ARMC10: variants seen among roughly 807,000 people sequenced by gnomAD.
ARMC10 encodes armadillo repeat-containing protein 10.
In ARMC10, 23 loss-of-function variants were observed where a neutral mutation model predicts 30.2. The ratio of observed to expected loss-of-function variants is 0.76; its 90% CI spans 0.55 to 1.08. ARMC10 has a LOEUF of 1.08. ARMC10 is among the 50% of genes least tolerant of loss of function. The pLI is 0.00. For synonymous variants in ARMC10, 111 were observed against 164.4 expected, an observed-to-expected ratio of 0.68 and a Z score of 2.48; for missense variants, 303 against 413.7, an observed-to-expected ratio of 0.73 and a Z score of 2.32.
At chr7:103,082,339 G>T (rs1800453534) in intron 2 of ARMC10, among the ~76,000 whole-genome samples, 1 of 150,862 alleles carries the variant, frequency 6.6e-6, no homozygotes, top group South Asian at 2.1e-4. Context: ...TTGTGTGTGT[G>T]TGTGTGATTC....
chr7:103,098,229 G>T, intron 6 of ARMC10, 70 bp from the exon 7 acceptor site: 2 of 1,207,510 alleles, frequency 1.7e-6, no homozygotes, highest in Non-Finnish European at 2.1e-6. Flanking sequence ...GTTTTAAAAT[G>T]TTAAAATATA....
At chr7:103,077,205 A>T (rs1287609852) in intron 2 of ARMC10, among the ~76,000 whole-genome samples, 1 of 152,138 alleles carries the variant, frequency 6.6e-6, no homozygotes, top group African/African-American at 2.4e-5. Context: ...AAGGATTTTT[A>T]ATTACAAGTT....
At chr7:103,093,176 C>T (rs879499275) in intron 5 of ARMC10, among the ~76,000 whole-genome samples, 14 of 152,244 alleles carry the variant, frequency 9.2e-5, no homozygotes, top group Non-Finnish European at 1.8e-4. Context: ...TTAAGTAAAT[C>T]TCTCATATTA....
chr7:103,077,896 T>C (rs115007222), intron 2 of ARMC10, among the ~76,000 whole-genome samples: 1,673 of 152,314 alleles, frequency 0.011, 34 homozygotes, highest in African/African-American at 0.039. Flanking sequence ...TTGCTCACAG[T>C]CCCTTCTTCC....
intron 5 of ARMC10, 120 bp from the exon 6 acceptor site, chr7:103,097,157 G>T: frequency 1.3e-6 from 1 of 796,762 alleles, no homozygotes; most frequent in South Asian, 1.5e-5. Flanking sequence ...GAGAGAATTT[G>T]AGCCAGGCCT....
In ARMC10 at chr7:103,092,531, G is replaced by A. The variant is rs1801437864; in HGVS notation, c.583G>A (p.Val195Met). 1.2e-6 allele frequency: 2 copies of A among 1,609,584 alleles called. No homozygotes were observed. The highest frequency in any genetic ancestry group is 1.7e-5 in the Admixed American group (1 of 59,940). Residue 195 changes from valine (V) to methionine (M), a missense_variant, in exon 5 of 7, where the codon GTG becomes ATG. By Grantham distance (21) the Val-to-Met change is conservative. Transcript: ENST00000323716. ...CTTCTCTGGTCCTCTGAACTCTGCT[G>A]TGCAGCTGGCTGGACTGACATTGTT... The part of the protein sequence containing the change: ...DVFSGPLNSA[V>M]QLAGLTLLTN...
intron 6 of ARMC10, 97 bp from the exon 7 acceptor site, chr7:103,098,202 G>A (rs767892446): frequency 4.1e-4 from 470 of 1,148,226 alleles, no homozygotes; most frequent in Non-Finnish European, 4.9e-4. Context: ...ATTTTAAAAT[G>A]TGAGTTATTC....
Position 103,099,425 on chromosome 7 carries a change from A to T in ARMC10, c.*872A>T, listed in dbSNP as rs1802048983. 1 of 144,732 alleles carries T rather than the reference A, an allele frequency of 6.9e-6. No homozygotes were observed. The highest frequency in any genetic ancestry group is 1.5e-5 in the Non-Finnish European group (1 of 65,442). The allele number at this position is 144,732 out of a possible 1,614,324, so 9.0% of individuals were successfully genotyped here. A position where few individuals can be genotyped will look rare whatever the true frequency, so the allele number is the denominator to read the frequency against. ...GGCAGAGGTTGCAGTGAGCTGAGAT[A>T]GCGCCATTGCACTCCAGCCTGGGCA... On this transcript the variant is annotated 3_prime_UTR_variant, in exon 7 of 7. Transcript: ENST00000323716.
intron 2 of ARMC10, among the ~76,000 whole-genome samples, chr7:103,078,502 G>A (rs1585720536): frequency 6.6e-6 from 1 of 152,082 alleles, no homozygotes; most frequent in African/African-American, 2.4e-5. Context: ...ATGATTGTAA[G>A]TTTCCTGAGG....
chr7:103,096,507 T>C (rs1801771736), intron 5 of ARMC10: 2 of 152,242 alleles, frequency 1.3e-5, no homozygotes, highest in Admixed American at 1.3e-4. Flanking sequence ...ACTGTTTAAG[T>C]AGAAATGAGC....
intron 4 of ARMC10, among the ~76,000 whole-genome samples, chr7:103,089,946 A>C (rs922553478): frequency 6.6e-6 from 1 of 152,246 alleles, no homozygotes; most frequent in Non-Finnish European, 1.5e-5. Context: ...TTGTAAGTCA[A>C]GGCAGAACAT....
rs1463799055 is a variant in ARMC10, at chr7:103,075,157, C to T, written c.-116C>T. On this transcript the variant is annotated 5_prime_UTR_variant, in exon 1 of 7. Transcript: ENST00000323716. ...CAGACCCCATTTCCTTTCTCCACATCCAGGTCAGGTGGCGTTTGCTGTGGC... is the reference window on the plus strand; with the variant it reads ...CAGACCCCATTTCCTTTCTCCACATTCAGGTCAGGTGGCGTTTGCTGTGGC... The T allele has an allele frequency of 2.8e-6, 2 of 711,508 alleles. No individual in the cohort carries two copies. Among genetic ancestry groups the T allele is most frequent in the Non-Finnish European group, 3.6e-6 (2 of 553,400 alleles). 44.1% of individuals were successfully genotyped at this position (711,508 alleles called of 1,614,324 possible). A position where few individuals can be genotyped will look rare whatever the true frequency, so the allele number is the denominator to read the frequency against.
At position 103,083,996 on chromosome 7, in the gene ARMC10, C is replaced by T. The variant is rs1474018957; in HGVS notation, c.393+166C>T. The T allele has an allele frequency of 4.0e-6, 6 of 1,502,710 alleles. No individual in the cohort carries two copies. In the East Asian group the frequency reaches 1.5e-4, roughly 37 times the overall value. 93.1% of individuals were successfully genotyped at this position (1,502,710 alleles called of 1,614,324 possible). ...GTTTGTTTACTTCTGAAAAACACAG[C>T]CTAATAGTGATATGATTATTAATGT... On this transcript the variant is annotated intron_variant, in intron 3 of 6. Transcript: ENST00000323716.
At chr7:103,087,143 C>T (rs778221278) in intron 4 of ARMC10, among the ~76,000 whole-genome samples, 50 of 152,196 alleles carry the variant, frequency 3.3e-4, no homozygotes, top group Middle Eastern at 3.4e-3. Context: ...GGAGCATATC[C>T]GATGCTACAT....
At chr7:103,097,408 C>G in intron 6 of ARMC10, 60 bp downstream of exon 6, 1 of 1,241,278 alleles carries the variant, frequency 8.1e-7, no homozygotes, top group Non-Finnish European at 1.2e-6. Flanking sequence ...AACAGACAGA[C>G]AGATCTGGAA....
At position 103,079,404 on chromosome 7, in the gene ARMC10, G is replaced by A. The variant is rs114253134; in HGVS notation, c.244+3523G>A. On this transcript the variant is annotated intron_variant, in intron 2 of 6. Transcript: ENST00000323716. ...AAGTAAGGAATAAATAGAAGGAAAT[G>A]TTCTTAAGTTGATCAAGTACATCCA... 2.0e-3 allele frequency among the ~76,000 whole-genome samples: 302 copies of A among 151,674 alleles called. 2 individuals are homozygous for A. The highest frequency in any genetic ancestry group is 7.0e-3 in the African/African-American group (288 of 41,290).
chr7:103,092,478 T>G lies in ARMC10; in HGVS notation c.530T>G (p.Ile177Arg). 2 of 1,572,816 alleles carry G rather than the reference T, an allele frequency of 1.3e-6. No homozygotes were observed. The change falls in exon 5 of 7, where the codon ATA becomes AGA. Residue 177 changes from isoleucine (I) to arginine (R), a missense_variant and splice_region_variant. Around this residue, in one of 4 missense-constraint regions of ARMC10, gnomAD observed 170 missense variants for 207.2 expected, o/e 0.82. Coordinates refer to ENST00000323716, the MANE Select transcript of ARMC10 (RefSeq NM_031905.5). Reference sequence around the variant, plus strand: ...CTCATTTTCCTCCCCTGCCTTCAGATATACATCAGTCAAGTATGTGAGGAT... The same window carrying G: ...CTCATTTTCCTCCCCTGCCTTCAGAGATACATCAGTCAAGTATGTGAGGAT... ...VNVENQIKIKIYISQVCEDVF... is the reference protein window; with the variant it reads ...VNVENQIKIKRYISQVCEDVF...
intron 3 of ARMC10, among the ~76,000 whole-genome samples, chr7:103,086,428 C>A (rs1001859673): frequency 3.3e-5 from 5 of 151,912 alleles, no homozygotes; most frequent in African/African-American, 1.2e-4. Context: ...TCTTAATAAT[C>A]TTATTTTCAA....
intron 3 of ARMC10, among the ~76,000 whole-genome samples, chr7:103,085,277 T>C (rs1038937419): frequency 1.3e-5 from 2 of 151,798 alleles, no homozygotes; most frequent in South Asian, 4.2e-4. Flanking sequence ...AAAAAAAAAC[T>C]TTTCTAGTAA....
Sources: gnomAD v4.1 joint callset for allele counts (sites outside exome capture counted in the v4.1 genomes callset) on GRCh38, gnomAD v4.1.1 for gene constraint, gnomAD v4.1.1 regional missense constraint, MANE v1.5 for transcripts, NCBI Gene and HGNC (gene_info 2026-07-23, HGNC 2026-07-21) for gene names.